Variants in ADAMTS17 observed in about 807,000 individuals in gnomAD.
The protein encoded by ADAMTS17 is A disintegrin and metalloproteinase with thrombospondin motifs 17.
A neutral mutation model predicts 141.5 loss-of-function variants in ADAMTS17; 113 were observed. The observed-to-expected ratio is 0.80, with a 90% confidence interval of 0.69 to 0.93. The LOEUF is 0.93. Among genes scored for constraint, ADAMTS17 ranks in the 40% least tolerant of loss-of-function variants. The pLI, the probability that ADAMTS17 is intolerant of heterozygous loss-of-function variation, is 0.00. For synonymous variants in ADAMTS17, 768 were observed against 630.6 expected, an observed-to-expected ratio of 1.22 and a Z score of -3.27; for missense variants, 1,659 against 1,517.9, an observed-to-expected ratio of 1.09 and a Z score of -1.54.
intron 3 of ADAMTS17, among the ~76,000 whole-genome samples, chr15:100,328,521 G>A (rs1266399462): frequency 1.3e-5 from 2 of 152,202 alleles, no homozygotes; most frequent in Non-Finnish European, 2.9e-5. Context: ...CAAGGTTTGA[G>A]AGCAGGGAAG....
At chr15:100,266,195 G>T (rs1311848511) in intron 4 of ADAMTS17, among the ~76,000 whole-genome samples, 2 of 152,182 alleles carry the variant, frequency 1.3e-5, no homozygotes, top group African/African-American at 4.8e-5. Flanking sequence ...CACACCCACG[G>T]TTTCTGGTAT....
chr15:100,240,793 T>C (rs1163400871), intron 7 of ADAMTS17, among the ~76,000 whole-genome samples: 1 of 152,158 alleles, frequency 6.6e-6, no homozygotes. Context: ...GCTCCCAGCT[T>C]ATACTCAACT....
intron 4 of ADAMTS17, among the ~76,000 whole-genome samples, chr15:100,277,027 CT>C (rs1197396217): frequency 6.6e-6 from 1 of 152,088 alleles, no homozygotes; most frequent in Non-Finnish European, 1.5e-5. Context: ...GTGAGCCCCC[CT>C]GTGCAAGGGG....
At chr15:100,141,587 T>A (rs1174170302) in intron 10 of ADAMTS17, among the ~76,000 whole-genome samples, 1 of 152,156 alleles carries the variant, frequency 6.6e-6, no homozygotes, top group Admixed American at 6.5e-5. Context: ...GCCCCACTCC[T>A]GGAAGGCTTC....
At position 99,976,139 on chromosome 15, in the gene ADAMTS17, G is replaced by T. The variant is rs923991591; in HGVS notation, c.3033C>A (p.Cys1011Ter). Residue 1011 changes from cysteine (C) to a stop codon, truncating the protein, a stop_gained, in exon 21 of 22, where the codon TGC becomes TGA. Coordinates refer to ENST00000268070, the MANE Select transcript of ADAMTS17 (RefSeq NM_139057.4). LOFTEE classifies it high-confidence loss of function. Reference protein sequence around the residue: ...HKVTGRHGSECPALSKPAPYR... With the variant: ...HKVTGRHGSE ...AGGGGGCAGGCTTCGAGAGGGCGGG[G>T]CACTCGCTGCCGTGGCGCCCTGTGA... 6.4e-7 allele frequency: 1 copy of T among 1,550,834 alleles called. No homozygotes were observed. Among genetic ancestry groups the T allele is most frequent in the South Asian group, 1.2e-5 (1 of 84,036 alleles).
intron 15 of ADAMTS17, among the ~76,000 whole-genome samples, chr15:100,057,044 G>T (rs1223687410): frequency 6.6e-6 from 1 of 152,108 alleles, no homozygotes; most frequent in Non-Finnish European, 1.5e-5. Context: ...TGGCTCAGTG[G>T]TGTGTGGCTG....
At chr15:100,256,160 A>C (rs2043320144) in intron 6 of ADAMTS17, among the ~76,000 whole-genome samples, 1 of 152,184 alleles carries the variant, frequency 6.6e-6, no homozygotes, top group Admixed American at 6.5e-5. Flanking sequence ...ACTCATGACA[A>C]ACCCCCAGGC....
rs142047426 is a variant in ADAMTS17 at position 100,019,308 on chromosome 15, C to T, written c.2592-21719G>A. Reference sequence around the variant, plus strand: ...ATACCAACAGGGGAAAGGAGGAGAACGGGACTAGGGAGGGTCAAAAAGGAC... The same window carrying T: ...ATACCAACAGGGGAAAGGAGGAGAATGGGACTAGGGAGGGTCAAAAAGGAC... On this transcript the variant is annotated intron_variant, in intron 18 of 21. Transcript: ENST00000268070. Among the ~76,000 whole-genome samples the T allele has an allele frequency of 7.7e-4, 117 of 152,144 alleles. 1 individual carries two copies. The highest frequency in any genetic ancestry group is 6.8e-3 in the Middle Eastern group (2 of 294).
rs1363678928 is a variant in ADAMTS17 at position 99,997,528 on chromosome 15, C to A, written c.2653G>T (p.Glu885Ter). The change falls in exon 19 of 22, where the codon GAG (glutamate) becomes TAG (stop). Residue 885 changes from glutamate (E) to a stop codon, truncating the protein, a stop_gained. Coordinates refer to ENST00000268070, the MANE Select transcript of ADAMTS17 (RefSeq NM_139057.4). LOFTEE classifies it high-confidence loss of function. The surrounding 1 kb of genome is among the most constrained non-coding windows in gnomAD (Gnocchi z 4.7). ...ATCEKGFQHR[E>*]VTCVYQLQNG... ...TGCAGCTGGTACACGCAGGTCACCTCCCGGTGCTGGAAGCCTTTCTCACAG... is the reference window on the plus strand; with the variant it reads ...TGCAGCTGGTACACGCAGGTCACCTACCGGTGCTGGAAGCCTTTCTCACAG... 1 of 1,613,548 alleles carries A rather than the reference C, an allele frequency of 6.2e-7. No individual in the cohort carries two copies. The highest frequency in any genetic ancestry group is 1.3e-5 in the African/African-American group (1 of 74,942).
At chr15:100,061,317 C>T (rs894401954) in intron 15 of ADAMTS17, among the ~76,000 whole-genome samples, 5 of 152,176 alleles carry the variant, frequency 3.3e-5, no homozygotes, top group African/African-American at 1.2e-4. Context: ...CTTCAGCTTG[C>T]CCCTCTAAGA....
rs141513206 is a variant in ADAMTS17 at position 100,169,167 on chromosome 15, G to C, written c.1182-13847C>G. On this transcript the variant is annotated intron_variant, in intron 8 of 21. Transcript: ENST00000268070. ...GAAGCCCAAGGCATTCAGAGAACCT[G>C]AACAGATACCCTAAATTTCTTCCAT... is the stretch of plus-strand genomic sequence containing the variant. Among the ~76,000 whole-genome samples the C allele has an allele frequency of 1.6e-4, 25 of 152,310 alleles. No individual in the cohort carries two copies. The East Asian group carries it at 4.1e-3, about 25-fold the overall frequency.
chr15:100,055,210 C>T (rs2032468180), intron 15 of ADAMTS17, among the ~76,000 whole-genome samples: 1 of 152,172 alleles, frequency 6.6e-6, no homozygotes, highest in Admixed American at 6.5e-5. Context: ...CCTACTCAGT[C>T]CATATCAATG....
At chr15:100,295,728 T>C (rs58838934) in intron 3 of ADAMTS17, among the ~76,000 whole-genome samples, 2 of 152,180 alleles carry the variant, frequency 1.3e-5, no homozygotes, top group Non-Finnish European at 2.9e-5. Flanking sequence ...ACATAACCAA[T>C]TCCCTGTGTT....
chr15:100,087,900 C>T (rs1024709720), intron 15 of ADAMTS17, among the ~76,000 whole-genome samples: 10 of 152,330 alleles, frequency 6.6e-5, no homozygotes, highest in Non-Finnish European at 1.5e-4. Context: ...TGGGCAAAAA[C>T]TGGAAGCATT....
Position 100,105,971 on chromosome 15 carries a change from G to A in ADAMTS17, c.2016+3018C>T, listed in dbSNP as rs142429168. Among the ~76,000 whole-genome samples, 191 of 151,988 alleles carry A rather than the reference G, an allele frequency of 1.3e-3. 1 individual carries two copies. Among genetic ancestry groups the A allele is most frequent in the Non-Finnish European group, 2.5e-3 (168 of 67,992 alleles). The stretch of plus-strand genomic sequence containing the variant: ...CTCCCAAAGATCTGGGATTATAGGC[G>A]TGTGCCACCACACCTGGCCTCAAGA... On this transcript the variant is annotated intron_variant, in intron 14 of 21. Transcript: ENST00000268070.
intron 2 of ADAMTS17, among the ~76,000 whole-genome samples, chr15:100,338,186 C>T (rs1166259793): frequency 6.6e-6 from 1 of 152,164 alleles, no homozygotes; most frequent in Non-Finnish European, 1.5e-5. Flanking sequence ...ATGCGGCAGG[C>T]CCATGCCTCT....
At chr15:100,261,692 T>C in intron 5 of ADAMTS17, 56 bp from the exon 6 acceptor site, 5 of 1,572,412 alleles carry the variant, frequency 3.2e-6, no homozygotes, top group African/African-American at 1.3e-5. Flanking sequence ...CCAGAGTTTA[T>C]TTCCAGACTA....
intron 18 of ADAMTS17, among the ~76,000 whole-genome samples, chr15:100,012,079 G>A (rs1052427769): frequency 6.6e-6 from 1 of 152,156 alleles, no homozygotes; most frequent in Non-Finnish European, 1.5e-5. Flanking sequence ...TTTGGTTATG[G>A]TCATTCTTGC....
chr15:100,157,692 C>T (rs570267992), intron 8 of ADAMTS17, among the ~76,000 whole-genome samples: 102 of 152,220 alleles, frequency 6.7e-4, no homozygotes, highest in African/African-American at 2.3e-3. Context: ...AAAAAAATAC[C>T]GGACAACTCA....
Sources: gnomAD v4.1 joint callset for allele counts (sites outside exome capture counted in the v4.1 genomes callset) on GRCh38, gnomAD v4.1.1 for gene constraint, Gnocchi (gnomAD v3.1) non-coding constraint, MANE v1.5 for transcripts, NCBI Gene and HGNC (gene_info 2026-07-23, HGNC 2026-07-21) for gene names.